Variants in GALNT13 observed in about 807,000 individuals in gnomAD.
GALNT13 encodes the protein polypeptide N-acetylgalactosaminyltransferase 13.
A neutral mutation model predicts 64.2 loss-of-function variants in GALNT13; 28 were observed. That is an observed-to-expected ratio of 0.44 (90% CI 0.32 to 0.60). GALNT13 has a LOEUF of 0.60. Among genes scored for constraint, GALNT13 ranks in the 20% least tolerant of loss-of-function variants. GALNT13 has a pLI of 0.05. For missense variants in GALNT13, 577 were observed against 669.8 expected (o/e 0.86, Z 1.53); for synonymous variants, 214 against 224.6 (o/e 0.95, Z 0.42).
the GALNT13 span, among the ~76,000 whole-genome samples, chr2:153,860,442 C>T: frequency 6.7e-6 from 1 of 150,132 alleles, no homozygotes; most frequent in South Asian, 2.1e-4. Flanking sequence ...CAGTTGACTT[C>T]TATCCTCTTT....
intron 3 of GALNT13, among the ~76,000 whole-genome samples, chr2:154,047,969 A>C (rs894431899): frequency 6.6e-6 from 1 of 152,204 alleles, no homozygotes; most frequent in Non-Finnish European, 1.5e-5. Flanking sequence ...ATTGCTATAA[A>C]GAAATGCTAG....
intron 4 of GALNT13, among the ~76,000 whole-genome samples, chr2:154,167,356 A>T (rs1685088119): frequency 1.3e-5 from 2 of 152,268 alleles, no homozygotes; most frequent in South Asian, 2.1e-4. Flanking sequence ...TAATAGGCAC[A>T]TATAGCACTT....
chr2:153,710,155 C>T, the GALNT13 span, among the ~76,000 whole-genome samples: 5 of 152,192 alleles, frequency 3.3e-5, no homozygotes, highest in East Asian at 7.7e-4. Context: ...ACAGATGATA[C>T]GTATGTGAGG....
At chr2:153,250,949 C>G in the GALNT13 span, among the ~76,000 whole-genome samples, 45,470 of 151,934 alleles carry the variant, frequency 0.3, 7,032 homozygotes, top group Middle Eastern at 0.43. Context: ...ACCTAGATGA[C>G]AGATTGATGG....
the GALNT13 span, among the ~76,000 whole-genome samples, chr2:153,744,016 A>G: frequency 1.3e-5 from 2 of 152,072 alleles, no homozygotes; most frequent in East Asian, 1.9e-4. Context: ...ATTCATTTTT[A>G]TGGCTGAAGA....
At chr2:153,571,529 T>C in the GALNT13 span, among the ~76,000 whole-genome samples, 2 of 152,078 alleles carry the variant, frequency 1.3e-5, no homozygotes, top group Non-Finnish European at 2.9e-5. Flanking sequence ...ATGTTCCAGA[T>C]ATTAGAGGAA....
intron 3 of GALNT13, among the ~76,000 whole-genome samples, chr2:153,974,328 A>G (rs1442819938): frequency 6.6e-6 from 1 of 152,158 alleles, no homozygotes; most frequent in East Asian, 1.9e-4. Context: ...TGTATGAGAC[A>G]GATTTGTATT....
chr2:153,914,265 CT>C (rs1042348190), intron 2 of GALNT13, among the ~76,000 whole-genome samples: 30 of 152,000 alleles, frequency 2.0e-4, no homozygotes, highest in African/African-American at 7.3e-4. Flanking sequence ...GAATGATGTC[CT>C]TGAGGTCAGG....
At chr2:154,365,079 A>C (rs1330080587) in intron 9 of GALNT13, among the ~76,000 whole-genome samples, 2 of 152,210 alleles carry the variant, frequency 1.3e-5, no homozygotes, top group African/African-American at 4.8e-5. Flanking sequence ...TTCAATTTTC[A>C]CATGAAAATT....
chr2:154,336,915 C>CT, intron 9 of GALNT13, among the ~76,000 whole-genome samples: 1 of 152,102 alleles, frequency 6.6e-6, no homozygotes, highest in African/African-American at 2.4e-5. Context: ...GAATATTAGA[C>CT]TTTTTTCTGG....
At chr2:153,754,801 A>G in the GALNT13 span, among the ~76,000 whole-genome samples, 1 of 152,138 alleles carries the variant, frequency 6.6e-6, no homozygotes, top group African/African-American at 2.4e-5. Flanking sequence ...CAAGTTTATC[A>G]GAGCCCCGGA....
At chr2:153,529,276 A>G in the GALNT13 span, among the ~76,000 whole-genome samples, 1 of 152,096 alleles carries the variant, frequency 6.6e-6, no homozygotes, top group East Asian at 1.9e-4. Context: ...TGTGGCTACT[A>G]TGAGCAACTA....
At chr2:154,133,252 A>T (rs72871858) in intron 3 of GALNT13, among the ~76,000 whole-genome samples, 10,858 of 152,044 alleles carry the variant, frequency 0.071, 466 homozygotes, top group Middle Eastern at 0.14. Context: ...GTAGTTATAC[A>T]AAATATTATT....
At chr2:153,213,240 C>T in the GALNT13 span, among the ~76,000 whole-genome samples, 5 of 152,182 alleles carry the variant, frequency 3.3e-5, no homozygotes, top group Non-Finnish European at 1.5e-5. Flanking sequence ...CATCAAGTCC[C>T]ATGGGGGTTG....
At chr2:153,966,377 T>C (rs962070135) in intron 3 of GALNT13, among the ~76,000 whole-genome samples, 4 of 151,850 alleles carry the variant, frequency 2.6e-5, no homozygotes, top group Non-Finnish European at 5.9e-5. Context: ...GGATTCTTTT[T>C]TTTTTTGAGA....
At chr2:153,985,697 C>A (rs1694754654) in intron 3 of GALNT13, among the ~76,000 whole-genome samples, 1 of 151,966 alleles carries the variant, frequency 6.6e-6, no homozygotes, top group Non-Finnish European at 1.5e-5. Flanking sequence ...TCTTGGCCAG[C>A]TGTGAAAATG....
At chr2:154,335,231 GA>G (rs1183424330) in intron 9 of GALNT13, among the ~76,000 whole-genome samples, 4 of 130,588 alleles carry the variant, frequency 3.1e-5, no homozygotes, top group East Asian at 2.2e-4. Context: ...AACTGTTGAA[GA>G]AAAAAAAGAC....
At chr2:153,931,119 A>T in intron 2 of GALNT13, among the ~76,000 whole-genome samples, 1 of 138,780 alleles carries the variant, frequency 7.2e-6, no homozygotes, top group Non-Finnish European at 1.5e-5. Flanking sequence ...TGTGAATGGG[A>T]TTGCCTCTTT....
chr2:154,139,621 A>AACAC (rs59526662), intron 3 of GALNT13, among the ~76,000 whole-genome samples: 24,765 of 147,370 alleles, frequency 0.17, 2,128 homozygotes, highest in South Asian at 0.27. Flanking sequence ...ATGTGTAGGC[A>AACAC]ACACACACAC....
Sources: allele counts gnomAD v4.1 joint callset (sites outside exome capture counted in the v4.1 genomes callset), GRCh38; gene constraint gnomAD v4.1.1; transcripts MANE v1.5; gene names NCBI Gene and HGNC (gene_info 2026-07-23, HGNC 2026-07-21).